The following PPP2R5E variants were observed in gnomAD, a reference collection of about 807,000 sequenced individuals.
PPP2R5E encodes protein phosphatase 2 regulatory subunit B'epsilon.
PPP2R5E carries 4 observed loss-of-function variants against 65.3 expected under a neutral mutation model. The observed-to-expected ratio is 0.06, with a 90% confidence interval of 0.03 to 0.14. The LOEUF is 0.14. Among genes scored for constraint, PPP2R5E ranks in the 10% least tolerant of loss-of-function variants. PPP2R5E has a pLI of 1.00. For missense variants in PPP2R5E, 274 were observed against 556.1 expected (o/e 0.49, Z 5.10); for synonymous variants, 183 against 187.4 (o/e 0.98, Z 0.19).
intron 5 of PPP2R5E, among the ~76,000 whole-genome samples, chr14:63,405,097 G>C (rs564515098): frequency 5.9e-5 from 9 of 152,330 alleles, no homozygotes; most frequent in South Asian, 4.1e-4. Flanking sequence ...GAATGCAGGA[G>C]TCAGAGCAAT....
intron 13 of PPP2R5E, among the ~76,000 whole-genome samples, chr14:63,380,239 C>T (rs923588675): frequency 2.0e-5 from 3 of 152,018 alleles, no homozygotes; most frequent in Non-Finnish European, 4.4e-5. Context: ...GCACCTTTAA[C>T]GATGCAACAC....
At position 63,372,325 on chromosome 14, in the gene PPP2R5E, T is replaced by C. The variant is rs1297753005; in HGVS notation, c.*3684A>G. The stretch of plus-strand genomic sequence containing the variant: ...AAATATAGAGGAATATAAAATGCAA[T>C]GCCAATATACCTACTACAAAAATCT... On this transcript the variant is annotated 3_prime_UTR_variant, in exon 14 of 14. Transcript: ENST00000337537. 1.3e-5 allele frequency: 2 copies of C among 152,178 alleles called. No individual in the cohort carries two copies. The highest frequency in any genetic ancestry group is 4.8e-5 in the African/African-American group (2 of 41,448). 9.4% of individuals were successfully genotyped at this position (152,178 alleles called of 1,614,324 possible).
chr14:63,511,789 A>G (rs1417438456), intron 2 of PPP2R5E, among the ~76,000 whole-genome samples: 1 of 152,130 alleles, frequency 6.6e-6, no homozygotes, highest in Non-Finnish European at 1.5e-5. Context: ...TACCAAGATA[A>G]GAATCTCAGC....
chr14:63,393,466 C>T lies in PPP2R5E; in HGVS notation c.849+354G>A, dbSNP rs796121890. Reference sequence around the variant, plus strand: ...GTGGCTCACACCTCTGTAATCCCAGCACTTTGGGAGGCCAAGGTGGGCGGA... The same window carrying T: ...GTGGCTCACACCTCTGTAATCCCAGTACTTTGGGAGGCCAAGGTGGGCGGA... On this transcript the variant is annotated intron_variant, in intron 8 of 13. Transcript: ENST00000337537. Among the ~76,000 whole-genome samples the T allele has an allele frequency of 9.9e-5, 15 of 152,280 alleles. 1 individual carries two copies. The highest frequency in any genetic ancestry group is 3.6e-4 in the African/African-American group (15 of 41,540).
chr14:63,395,320 G>A, intron 6 of PPP2R5E, 35 bp from the exon 7 acceptor site: 3 of 1,470,608 alleles, frequency 2.0e-6, no homozygotes, highest in Non-Finnish European at 2.8e-6. Context: ...GAGAAAGGAG[G>A]AGAGGAGGAG....
intron 2 of PPP2R5E, among the ~76,000 whole-genome samples, chr14:63,519,351 ACT>A (rs1176226921): frequency 2.6e-5 from 4 of 151,610 alleles, no homozygotes; most frequent in East Asian, 1.9e-4. Flanking sequence ...TCAAGGACAA[ACT>A]CTTTTTTTTT....
At chr14:63,467,777 C>A (rs1318974405) in intron 2 of PPP2R5E, among the ~76,000 whole-genome samples, 4 of 152,024 alleles carry the variant, frequency 2.6e-5, no homozygotes, top group Non-Finnish European at 5.9e-5. Flanking sequence ...TCCTTGGGGT[C>A]ACACACACAC....
At chr14:63,448,052 C>G (rs999784696) in intron 3 of PPP2R5E, among the ~76,000 whole-genome samples, 1 of 152,188 alleles carries the variant, frequency 6.6e-6, no homozygotes, top group African/African-American at 2.4e-5. Context: ...AATCCCAGCA[C>G]TTTGGGAGGC....
intron 2 of PPP2R5E, among the ~76,000 whole-genome samples, chr14:63,499,877 G>C (rs561217746): frequency 2.0e-5 from 3 of 152,328 alleles, no homozygotes; most frequent in Non-Finnish European, 4.4e-5. Flanking sequence ...CAGCTGACTG[G>C]TAGCAAGTCC....
At chr14:63,514,517 G>A (rs1594959352) in intron 2 of PPP2R5E, among the ~76,000 whole-genome samples, 2 of 151,896 alleles carry the variant, frequency 1.3e-5, no homozygotes, top group South Asian at 4.2e-4. Flanking sequence ...AAAAGAGAGA[G>A]AGAGACTCTC....
rs145914586 is a variant in PPP2R5E at position 63,391,581 on chromosome 14, G to A, written c.954+236C>T. ...TGGGACTACAGGCATGCGCCACCAC[G>A]CCTGGCTAATTTTGTATTTTTAGTA... is the stretch of plus-strand genomic sequence containing the variant. On this transcript the variant is annotated intron_variant, in intron 10 of 13. Coordinates refer to ENST00000337537, the MANE Select transcript of PPP2R5E (RefSeq NM_006246.5). 6.5e-4 allele frequency among the ~76,000 whole-genome samples: 99 copies of A among 152,182 alleles called. 4 individuals carry two copies. The East Asian group carries it at 0.016, about 25-fold the overall frequency.
chr14:63,456,689 T>C, intron 2 of PPP2R5E, among the ~76,000 whole-genome samples: 1 of 152,180 alleles, frequency 6.6e-6, no homozygotes, highest in East Asian at 1.9e-4. Context: ...CCCAAGTGGA[T>C]TGGCTCCAAA....
In PPP2R5E at chr14:63,375,917, T is replaced by C; in HGVS notation, c.*92A>G. On this transcript the variant is annotated 3_prime_UTR_variant, in exon 14 of 14. Coordinates refer to ENST00000337537, the MANE Select transcript of PPP2R5E (RefSeq NM_006246.5). The stretch of plus-strand genomic sequence containing the variant: ...AATGAAACAAAGGTGAAATCTACTG[T>C]AAAGTTGCACAATACAGAAAACTGT... 5.7e-6 allele frequency: 5 copies of C among 879,156 alleles called. No homozygotes were observed. The highest frequency in any genetic ancestry group is 9.1e-6 in the Non-Finnish European group (5 of 549,684). The allele number at this position is 879,156 out of a possible 1,614,324, so 54.5% of individuals were successfully genotyped here. A position where few individuals can be genotyped will look rare whatever the true frequency, so the allele number is the denominator to read the frequency against.
intron 5 of PPP2R5E, among the ~76,000 whole-genome samples, chr14:63,400,762 A>G (rs532561776): frequency 6.8e-6 from 1 of 147,040 alleles, no homozygotes; most frequent in African/African-American, 2.5e-5. Flanking sequence ...CAAATGACAT[A>G]AGACCTCTAA....
chr14:63,434,388 G>A (rs1347333654), intron 3 of PPP2R5E, among the ~76,000 whole-genome samples: 1 of 152,194 alleles, frequency 6.6e-6, no homozygotes, highest in African/African-American at 2.4e-5. Flanking sequence ...AATAAAGCAT[G>A]TTCAGGATCT....
chr14:63,415,838 C>A (rs1351462262), intron 4 of PPP2R5E, among the ~76,000 whole-genome samples: 1 of 152,152 alleles, frequency 6.6e-6, no homozygotes, highest in Non-Finnish European at 1.5e-5. Context: ...TCTGCGACAA[C>A]GTGCATCACA....
At chr14:63,382,403 CTTTT>C (rs576740305) in intron 12 of PPP2R5E, among the ~76,000 whole-genome samples, 1 of 138,556 alleles carries the variant, frequency 7.2e-6, no homozygotes. Flanking sequence ...CTTCTAATTT[CTTTT>C]TTTTTTTTTT....
chr14:63,497,640 C>G lies in PPP2R5E; in HGVS notation c.157+41889G>C, dbSNP rs141113495. Among the ~76,000 whole-genome samples, 12 of 152,022 alleles carry G rather than the reference C, an allele frequency of 7.9e-5. No individual in the cohort carries two copies. In the East Asian group the frequency reaches 2.3e-3, roughly 29 times the overall value. On this transcript the variant is annotated intron_variant, in intron 2 of 13. Transcript: ENST00000337537. ...GCACATGCCTGTAATCCCAGCTATT[C>G]AGGAGGCTGAGGCAGGAGAATCGCT...
In PPP2R5E at chr14:63,425,904, C is replaced by T. The variant is rs142610601; in HGVS notation, c.355-3810G>A. On this transcript the variant is annotated intron_variant, in intron 3 of 13. Transcript: ENST00000337537. ...ATCTCTCAGTTACAGCAAAAGAAGG[C>T]CAAGTTGGGTAAATAATCCAAAAGG... 3.7e-3 allele frequency among the ~76,000 whole-genome samples: 569 copies of T among 152,246 alleles called. 3 individuals are homozygous for T. Among genetic ancestry groups the T allele is most frequent in the African/African-American group, 0.013 (537 of 41,552 alleles).
Sources: gnomAD v4.1 joint callset for allele counts (sites outside exome capture counted in the v4.1 genomes callset) on GRCh38, gnomAD v4.1.1 for gene constraint, MANE v1.5 for transcripts, NCBI Gene and HGNC (gene_info 2026-07-23, HGNC 2026-07-21) for gene names.